NPSR1: variants seen among roughly 807,000 people sequenced by gnomAD.
NPSR1 encodes neuropeptide S receptor.
NPSR1 carries 48 observed loss-of-function variants against 46.9 expected under a neutral mutation model. The ratio of observed to expected loss-of-function variants is 1.02; its 90% CI spans 0.81 to 1.30. The LOEUF (loss-of-function observed/expected upper bound fraction) is 1.30. Among genes scored for constraint, NPSR1 ranks in the 50% most tolerant of loss-of-function variants. The pLI is 0.00. For missense variants in NPSR1, 450 were observed against 449.5 expected (o/e 1.00, Z -0.01); for synonymous variants, 176 against 168.1 (o/e 1.05, Z -0.36).
chr7:34,749,373 AG>A (rs1446670666), intron 2 of NPSR1, among the ~76,000 whole-genome samples: 2 of 152,212 alleles, frequency 1.3e-5, no homozygotes, highest in Non-Finnish European at 2.9e-5. Flanking sequence ...GGGGGTAGAA[AG>A]GGGAAGTGAG....
At chr7:34,872,263 G>T (rs1443489014) in intron 8 of NPSR1, among the ~76,000 whole-genome samples, 1 of 151,992 alleles carries the variant, frequency 6.6e-6, no homozygotes, top group African/African-American at 2.4e-5. Context: ...GAGTGGCCAG[G>T]ATGCAGGGAG....
At chr7:34,791,484 G>A (rs1055890562) in intron 3 of NPSR1, among the ~76,000 whole-genome samples, 8 of 150,308 alleles carry the variant, frequency 5.3e-5, no homozygotes, top group South Asian at 4.2e-4. Flanking sequence ...AATAAAATAC[G>A]TAGAAATGAA....
At chr7:34,796,239 G>A (rs764485180) in intron 3 of NPSR1, among the ~76,000 whole-genome samples, 10 of 151,748 alleles carry the variant, frequency 6.6e-5, no homozygotes, top group Middle Eastern at 3.2e-3. Context: ...TGACAAAAAC[G>A]AACATAAAAG....
At chr7:34,723,937 G>T (rs1292597012) in intron 2 of NPSR1, among the ~76,000 whole-genome samples, 2 of 152,170 alleles carry the variant, frequency 1.3e-5, no homozygotes, top group African/African-American at 4.8e-5. Flanking sequence ...ATCACATGAA[G>T]AAGCTAACTC....
At chr7:34,715,213 G>A (rs1783502712) in intron 2 of NPSR1, among the ~76,000 whole-genome samples, 1 of 152,176 alleles carries the variant, frequency 6.6e-6, no homozygotes, top group Non-Finnish European at 1.5e-5. Flanking sequence ...AAGTTACCTA[G>A]TTTAGAAAAA....
At chr7:34,740,574 T>C (rs1031605482) in intron 2 of NPSR1, among the ~76,000 whole-genome samples, 2 of 152,140 alleles carry the variant, frequency 1.3e-5, no homozygotes, top group African/African-American at 2.4e-5. Context: ...CCACAGGGCT[T>C]TCCTGCTGCT....
intron 2 of NPSR1, among the ~76,000 whole-genome samples, chr7:34,745,994 A>C (rs1005494446): frequency 5.9e-5 from 9 of 152,232 alleles, no homozygotes; most frequent in African/African-American, 1.9e-4. Context: ...ATTAATTATA[A>C]AAATAGTTTT....
chr7:34,690,890 A>C (rs80112141), intron 2 of NPSR1, among the ~76,000 whole-genome samples: 2,752 of 152,292 alleles, frequency 0.018, 37 homozygotes, highest in Middle Eastern at 0.037. Flanking sequence ...CCTAGAAGAC[A>C]CATCGTGAGA....
At chr7:34,831,660 C>T (rs1380657856) in intron 5 of NPSR1, among the ~76,000 whole-genome samples, 3 of 152,068 alleles carry the variant, frequency 2.0e-5, no homozygotes, top group Non-Finnish European at 4.4e-5. Context: ...GTCAAAACAA[C>T]AGGAGTTGTT....
chr7:34,735,810 T>C (rs980378806), intron 2 of NPSR1, among the ~76,000 whole-genome samples: 6 of 152,130 alleles, frequency 3.9e-5, no homozygotes, highest in African/African-American at 1.4e-4. Context: ...AACTTAAATA[T>C]CCAGCATTGA....
intron 4 of NPSR1, among the ~76,000 whole-genome samples, chr7:34,823,028 G>A (rs1789630135): frequency 6.6e-6 from 1 of 152,084 alleles, no homozygotes; most frequent in Non-Finnish European, 1.5e-5. Flanking sequence ...AAGAAGTCTG[G>A]CAAAGAAATA....
At chr7:34,783,991 T>G (rs1584011556) in intron 3 of NPSR1, among the ~76,000 whole-genome samples, 2 of 152,038 alleles carry the variant, frequency 1.3e-5, no homozygotes, top group South Asian at 2.1e-4. Context: ...CCAAACCTAT[T>G]TTCCAAAAAT....
At chr7:34,788,360 C>T (rs1787563405) in intron 3 of NPSR1, among the ~76,000 whole-genome samples, 1 of 151,150 alleles carries the variant, frequency 6.6e-6, no homozygotes, top group Non-Finnish European at 1.5e-5. Flanking sequence ...GGAAAAAAAA[C>T]ACACAAAGCA....
chr7:34,673,475 C>G (rs1384014107), intron 1 of NPSR1, among the ~76,000 whole-genome samples: 1 of 152,184 alleles, frequency 6.6e-6, no homozygotes, highest in Non-Finnish European at 1.5e-5. Context: ...GCCTTTCCCT[C>G]TGCCATACTA....
chr7:34,772,488 C>T (rs774245608), intron 2 of NPSR1, among the ~76,000 whole-genome samples: 1 of 152,148 alleles, frequency 6.6e-6, no homozygotes, highest in Non-Finnish European at 1.5e-5. Flanking sequence ...CTCATAAAGC[C>T]TAATGGTGTT....
At chr7:34,713,866 C>T (rs1203806405) in intron 2 of NPSR1, among the ~76,000 whole-genome samples, 3 of 152,262 alleles carry the variant, frequency 2.0e-5, no homozygotes, top group Non-Finnish European at 4.4e-5. Context: ...CGAGGCGCCA[C>T]GTCCACTGGA....
chr7:34,792,665 T>TTA (rs201284297), intron 3 of NPSR1, among the ~76,000 whole-genome samples: 2,985 of 77,504 alleles, frequency 0.039, 194 homozygotes, highest in East Asian at 0.063. Flanking sequence ...ATATATATAT[T>TTA]TATATATATG....
At chr7:34,765,025 C>T (rs534587546) in intron 2 of NPSR1, among the ~76,000 whole-genome samples, 6 of 152,228 alleles carry the variant, frequency 3.9e-5, no homozygotes, top group East Asian at 1.9e-4. Context: ...AACCCTTCAG[C>T]GTCTCAGCTA....
At chr7:34,872,573 G>A (rs1411144468) in intron 8 of NPSR1, among the ~76,000 whole-genome samples, 1 of 151,838 alleles carries the variant, frequency 6.6e-6, no homozygotes, top group Non-Finnish European at 1.5e-5. Context: ...CCAAGACTGG[G>A]TGATCTATTC....
Sources: gnomAD v4.1 joint callset for allele counts (sites outside exome capture counted in the v4.1 genomes callset) on GRCh38, gnomAD v4.1.1 for gene constraint, MANE v1.5 for transcripts, NCBI Gene and HGNC (gene_info 2026-07-23, HGNC 2026-07-21) for gene names.